ESRRG: variants seen among roughly 807,000 people sequenced by gnomAD.
The protein encoded by ESRRG is estrogen-related receptor gamma.
A neutral mutation model predicts 44.0 loss-of-function variants in ESRRG; 13 were observed. The observed-to-expected ratio is 0.30, with a 90% CI of 0.19 to 0.47. The LOEUF (loss-of-function observed/expected upper bound fraction) is 0.47. ESRRG is among the 20% of genes least tolerant of loss of function. ESRRG has a pLI of 1.00. For missense variants in ESRRG, 395 were observed against 580.6 expected (o/e 0.68, Z 3.29); for synonymous variants, 215 against 214.6 (o/e 1.00, Z -0.02).
intron 5 of ESRRG, among the ~76,000 whole-genome samples, chr1:216,556,931 A>G (rs1372459007): frequency 1.3e-5 from 2 of 152,194 alleles, no homozygotes; most frequent in South Asian, 4.1e-4. Flanking sequence ...GGAAACTAAG[A>G]AGAAACTGTT....
At chr1:216,866,195 A>T (rs754854003) in intron 2 of ESRRG, among the ~76,000 whole-genome samples, 2 of 152,190 alleles carry the variant, frequency 1.3e-5, no homozygotes, top group Non-Finnish European at 2.9e-5. Flanking sequence ...CAAGTAATCA[A>T]CATATTTATT....
rs1419623486 is a variant in ESRRG at position 216,519,143 on chromosome 1, T to C, written c.1132+9A>G. 4.3e-6 allele frequency: 7 copies of C among 1,610,942 alleles called. No homozygotes were observed. The highest frequency in any genetic ancestry group is 2.7e-5 in the African/African-American group (2 of 74,736). ...AAAAATGTAACAATGACTATGTCAGTATGCCAACCTGAATTAGCAAGAGCT... is the reference window on the plus strand; with the variant it reads ...AAAAATGTAACAATGACTATGTCAGCATGCCAACCTGAATTAGCAAGAGCT... On this transcript the variant is annotated intron_variant, in intron 6 of 6. Coordinates refer to ENST00000408911, the MANE Select transcript of ESRRG (RefSeq NM_001438.4).
intron 1 of ESRRG, among the ~76,000 whole-genome samples, chr1:217,085,442 G>A (rs2092016923): frequency 6.8e-6 from 1 of 147,462 alleles, no homozygotes; most frequent in Non-Finnish European, 1.5e-5. Context: ...GATTGTTCTG[G>A]AGAAAGATTT....
intron 1 of ESRRG, among the ~76,000 whole-genome samples, chr1:216,970,972 C>T (rs745714768): frequency 2.2e-4 from 34 of 152,062 alleles, no homozygotes; most frequent in Non-Finnish European, 3.5e-4. Context: ...TGCAAATAGA[C>T]AGAAAGGTCA....
chr1:216,907,831 C>A (rs190928181), intron 2 of ESRRG, among the ~76,000 whole-genome samples: 241 of 152,286 alleles, frequency 1.6e-3, no homozygotes, highest in Non-Finnish European at 1.7e-3. Context: ...TCACATCTAT[C>A]TAAAGGAAGC....
At chr1:216,706,351 G>A (rs2082442731) in intron 1 of ESRRG, among the ~76,000 whole-genome samples, 1 of 152,168 alleles carries the variant, frequency 6.6e-6, no homozygotes, top group African/African-American at 2.4e-5. Context: ...CTCAGCTCAT[G>A]TCTGCAGTGC....
intron 2 of ESRRG, among the ~76,000 whole-genome samples, chr1:216,915,600 A>AAACAAACC (rs900949417): frequency 9.9e-5 from 15 of 152,236 alleles, no homozygotes; most frequent in African/African-American, 3.6e-4. Context: ...ACAAACAAAC[A>AAACAAACC]AACCCTGGAA....
intron 3 of ESRRG, among the ~76,000 whole-genome samples, chr1:216,613,620 G>C (rs2060977597): frequency 6.6e-6 from 1 of 152,102 alleles, no homozygotes; most frequent in Non-Finnish European, 1.5e-5. Flanking sequence ...TTACTCAAAA[G>C]TGTGTGCCTC....
At chr1:216,753,577 A>T (rs1019998044) in intron 2 of ESRRG, among the ~76,000 whole-genome samples, 42 of 152,104 alleles carry the variant, frequency 2.8e-4, no homozygotes, top group Non-Finnish European at 5.3e-4. Flanking sequence ...TTCTGATTTT[A>T]AAAAAGTTAA....
At chr1:216,574,246 T>C (rs552320968) in intron 3 of ESRRG, among the ~76,000 whole-genome samples, 2 of 152,288 alleles carry the variant, frequency 1.3e-5, no homozygotes, top group East Asian at 3.9e-4. Flanking sequence ...ACATTGCTTC[T>C]TCTTTCATAT....
At chr1:216,624,100 AC>A (rs2062756197) in intron 3 of ESRRG, among the ~76,000 whole-genome samples, 1 of 152,184 alleles carries the variant, frequency 6.6e-6, no homozygotes, top group African/African-American at 2.4e-5. Flanking sequence ...CCAGGGAGGC[AC>A]AAAAAACCCA....
At position 216,541,799 on chromosome 1, in the gene ESRRG, A is replaced by G. The variant is rs548182453; in HGVS notation, c.863-22378T>C. On this transcript the variant is annotated intron_variant, in intron 5 of 6. Coordinates refer to ENST00000408911, the MANE Select transcript of ESRRG (RefSeq NM_001438.4). ...CCAATACTGTGACTGAATTCCTTTCAGCCAAACCTTTAGTTTTTCTCAGAT... is the reference window on the plus strand; with the variant it reads ...CCAATACTGTGACTGAATTCCTTTCGGCCAAACCTTTAGTTTTTCTCAGAT... Among the ~76,000 whole-genome samples the G allele has an allele frequency of 1.8e-4, 28 of 151,998 alleles. No homozygotes were observed. In the East Asian group the frequency reaches 5.3e-3, roughly 29 times the overall value.
upstream of ESRRG, among the ~76,000 whole-genome samples, chr1:216,726,838 A>C (rs1363764136): frequency 6.6e-6 from 1 of 152,204 alleles, no homozygotes; most frequent in African/African-American, 2.4e-5. Context: ...CAGAGAATAT[A>C]CTTCATTTCT....
chr1:216,681,833 T>C (rs1162223587), intron 1 of ESRRG: 2 of 152,200 alleles, frequency 1.3e-5, no homozygotes, highest in African/African-American at 4.8e-5. Flanking sequence ...GGATAATCTG[T>C]AAGTTAATGT....
chr1:216,883,316 C>T (rs565132645), intron 2 of ESRRG, among the ~76,000 whole-genome samples: 21 of 129,416 alleles, frequency 1.6e-4, no homozygotes, highest in African/African-American at 5.7e-4. Flanking sequence ...ACCTGGGAGG[C>T]GGAGGTTGCA....
intron 1 of ESRRG, among the ~76,000 whole-genome samples, chr1:216,714,200 A>C (rs1381734433): frequency 6.6e-6 from 1 of 152,360 alleles, no homozygotes; most frequent in East Asian, 1.9e-4. Context: ...AGAAACAAAA[A>C]GAAAAACAAA....
intron 1 of ESRRG, among the ~76,000 whole-genome samples, chr1:216,699,229 T>C (rs1206656764): frequency 6.6e-6 from 1 of 152,196 alleles, no homozygotes; most frequent in Non-Finnish European, 1.5e-5. Context: ...CTAGTAGTTT[T>C]ATTAAATATG....
chr1:217,133,976 A>C (rs2093012110), intron 1 of ESRRG, among the ~76,000 whole-genome samples: 1 of 152,158 alleles, frequency 6.6e-6, no homozygotes, highest in Non-Finnish European at 1.5e-5. Flanking sequence ...CATATCCCCG[A>C]ATGTGGCCCA....
At chr1:216,616,218 A>G (rs1315946624) in intron 3 of ESRRG, among the ~76,000 whole-genome samples, 1 of 152,026 alleles carries the variant, frequency 6.6e-6, no homozygotes. Context: ...GAAAGTAACT[A>G]CCTCAAAGCT....
Sources: allele counts gnomAD v4.1 joint callset (sites outside exome capture counted in the v4.1 genomes callset), GRCh38; gene constraint gnomAD v4.1.1; transcripts MANE v1.5; gene names NCBI Gene and HGNC (gene_info 2026-07-23, HGNC 2026-07-21).